RHBDD1: variants seen among roughly 807,000 people sequenced by gnomAD.
The protein encoded by RHBDD1 is rhomboid domain containing 1.
In RHBDD1, 38 loss-of-function variants were observed where a neutral mutation model predicts 36.3. The observed-to-expected ratio is 1.05, with a 90% CI of 0.81 to 1.37. The LOEUF is 1.37. Among genes scored for constraint, RHBDD1 ranks in the 40% most tolerant of loss-of-function variants. The pLI is 0.00. For missense variants in RHBDD1, 393 were observed against 377.6 expected (o/e 1.04, Z -0.34); for synonymous variants, 151 against 136.5 (o/e 1.11, Z -0.74).
At chr2:226,850,186 A>G (rs1942671544) in intron 3 of RHBDD1, among the ~76,000 whole-genome samples, 1 of 152,242 alleles carries the variant, frequency 6.6e-6, no homozygotes, top group South Asian at 2.1e-4. Flanking sequence ...TAACTAACAC[A>G]ATGAATAGAC....
chr2:226,974,835 G>T (rs533523449), intron 8 of RHBDD1, among the ~76,000 whole-genome samples: 7 of 152,278 alleles, frequency 4.6e-5, no homozygotes, highest in Non-Finnish European at 1.0e-4. Flanking sequence ...TATAATTGGA[G>T]ATCACTCTTT....
chr2:226,982,778 T>TGGTGTG (rs1956067771), intron 8 of RHBDD1, among the ~76,000 whole-genome samples: 1 of 152,192 alleles, frequency 6.6e-6, no homozygotes, highest in Non-Finnish European at 1.5e-5. Context: ...TCCTCAAGCA[T>TGGTGTG]TTATGATGCA....
intron 5 of RHBDD1, 169 bp from the exon 6 acceptor site, chr2:226,906,624 G>A (rs576430527): frequency 2.1e-6 from 3 of 1,401,228 alleles, no homozygotes; most frequent in African/African-American, 2.9e-5. Context: ...TTTTAAGGTA[G>A]GAGATGTTGT....
chr2:226,907,020 A>C, intron 6 of RHBDD1, 139 bp downstream of exon 6: 1 of 864,286 alleles, frequency 1.2e-6, no homozygotes, highest in Non-Finnish European at 1.9e-6. Context: ...TTAAACCGAA[A>C]GGTAAAACAA....
chr2:226,800,996 A>G, the RHBDD1 span, among the ~76,000 whole-genome samples: 2 of 152,226 alleles, frequency 1.3e-5, no homozygotes, highest in African/African-American at 4.8e-5. Flanking sequence ...CCTATAAACA[A>G]GCAGTTTGTC....
chr2:226,802,185 C>T, the RHBDD1 span, among the ~76,000 whole-genome samples: 2 of 152,076 alleles, frequency 1.3e-5, no homozygotes, highest in Non-Finnish European at 2.9e-5. Context: ...GATAATAAAC[C>T]TTTTAAAAAA....
chr2:226,844,560 A>G (rs901810187), intron 3 of RHBDD1, among the ~76,000 whole-genome samples: 1 of 152,218 alleles, frequency 6.6e-6, no homozygotes, highest in East Asian at 1.9e-4. Flanking sequence ...AAATGAGAGC[A>G]GGGAGTGGTG....
Position 226,914,329 on chromosome 2 carries a change from A to G in RHBDD1, c.834A>G (p.Leu278=), listed in dbSNP as rs773284278. The change falls in exon 8 of 9, where the codon TTA becomes TTG. Residue 278 remains leucine (L), a synonymous_variant. Transcript: ENST00000392062. ...AAGAAGAACAGCTCGAGAGAGCATT[A>G]CAAGCCAGCCTCTGGGACCGAGGTA... ...LSEEEQLERA[L]QASLWDRGNT... The G allele has an allele frequency of 9.3e-6, 15 of 1,613,322 alleles. No individual in the cohort carries two copies. The highest frequency in any genetic ancestry group is 1.3e-5 in the Non-Finnish European group (15 of 1,179,658).
chr2:226,833,706 T>A (rs1180228593), upstream of RHBDD1, among the ~76,000 whole-genome samples: 1 of 152,230 alleles, frequency 6.6e-6, no homozygotes, highest in African/African-American at 2.4e-5. Context: ...AATGTAGTGA[T>A]TACGTATATT....
chr2:226,847,186 T>A (rs1383229190), intron 3 of RHBDD1, among the ~76,000 whole-genome samples: 1 of 152,246 alleles, frequency 6.6e-6, no homozygotes, highest in Admixed American at 6.5e-5. Context: ...TTCCCTAATA[T>A]ACAAGTTGCA....
In RHBDD1 at chr2:226,914,288, A is replaced by G. The variant is rs1052662142; in HGVS notation, c.793A>G (p.Thr265Ala). ...AGCACCCAGGAACTATGACACGTACACAGCAGGACTGAGTGAAGAAGAACA... is the reference window on the plus strand; with the variant it reads ...AGCACCCAGGAACTATGACACGTACGCAGCAGGACTGAGTGAAGAAGAACA... ...EEAPRNYDTY[T>A]AGLSEEEQLE... Residue 265 changes from threonine (T) to alanine (A), a missense_variant, in exon 8 of 9, where the codon ACA becomes GCA. Coordinates refer to ENST00000392062, the MANE Select transcript of RHBDD1 (RefSeq NM_001167608.3). The G allele has an allele frequency of 4.3e-6, 7 of 1,613,762 alleles. No homozygotes were observed. Among genetic ancestry groups the G allele is most frequent in the Non-Finnish European group, 5.9e-6 (7 of 1,179,852 alleles).
chr2:226,867,377 A>G, intron 5 of RHBDD1, 59 bp downstream of exon 5: 1 of 1,539,110 alleles, frequency 6.5e-7, no homozygotes, highest in Non-Finnish European at 8.8e-7. Context: ...GGAGAAAAAA[A>G]TTGCAATAAT....
At chr2:226,943,244 T>TA (rs1240715640) in intron 8 of RHBDD1, among the ~76,000 whole-genome samples, 1 of 152,200 alleles carries the variant, frequency 6.6e-6, no homozygotes, top group Non-Finnish European at 1.5e-5. Context: ...CCTTAATAGA[T>TA]ACCTGGCCCA....
At position 226,936,752 on chromosome 2, in the gene RHBDD1, C is replaced by T. The variant is rs527925047; in HGVS notation, c.856+22401C>T. Among the ~76,000 whole-genome samples, 3 of 152,216 alleles carry T rather than the reference C, an allele frequency of 2.0e-5. No homozygotes were observed. The South Asian group carries it at 6.2e-4, about 32-fold the overall frequency. Reference sequence around the variant, plus strand: ...TCAACAGAACCTTATTTGAGCCCTTCATATGTGTCAGCATTTTAGGCGGTT... The same window carrying T: ...TCAACAGAACCTTATTTGAGCCCTTTATATGTGTCAGCATTTTAGGCGGTT... On this transcript the variant is annotated intron_variant, in intron 8 of 8. Coordinates refer to ENST00000392062, the MANE Select transcript of RHBDD1 (RefSeq NM_001167608.3).
the RHBDD1 span, among the ~76,000 whole-genome samples, chr2:226,808,039 A>G: frequency 0.011 from 1,606 of 152,248 alleles, 17 homozygotes; most frequent in Non-Finnish European, 0.014. Context: ...ACACTCTGGA[A>G]GCTCTGTTGG....
upstream of RHBDD1, among the ~76,000 whole-genome samples, chr2:226,831,956 G>GTT (rs777176565): frequency 7.9e-6 from 1 of 127,120 alleles, no homozygotes; most frequent in Non-Finnish European, 1.6e-5. Flanking sequence ...TAATTTTACT[G>GTT]GTTTTTTTTT....
chr2:226,988,236 G>A (rs1575531327), intron 8 of RHBDD1: 3 of 1,114,792 alleles, frequency 2.7e-6, no homozygotes, highest in African/African-American at 1.6e-5. Flanking sequence ...GAAGCAAGAG[G>A]TTGGGAGTAG....
At chr2:226,917,155 T>C (rs1057242562) in intron 8 of RHBDD1, among the ~76,000 whole-genome samples, 2 of 151,958 alleles carry the variant, frequency 1.3e-5, no homozygotes, top group African/African-American at 4.8e-5. Flanking sequence ...CAGTAAATGG[T>C]ATTGAAATAT....
At chr2:226,816,801 C>T in the RHBDD1 span, among the ~76,000 whole-genome samples, 1 of 152,222 alleles carries the variant, frequency 6.6e-6, no homozygotes. Context: ...GAGGCTGAGG[C>T]AGGAGAATCA....
Sources: allele counts gnomAD v4.1 joint callset (sites outside exome capture counted in the v4.1 genomes callset), GRCh38; gene constraint gnomAD v4.1.1; transcripts MANE v1.5; gene names NCBI Gene and HGNC (gene_info 2026-07-23, HGNC 2026-07-21).